The following TNIP1 variants were observed in gnomAD, a reference collection of about 807,000 sequenced individuals.
TNIP1 encodes the protein TNFAIP3-interacting protein 1.
TNIP1 carries 22 observed loss-of-function variants against 86.6 expected under a neutral mutation model. That is an observed-to-expected ratio of 0.25 (90% confidence interval 0.18 to 0.36). TNIP1 has a LOEUF of 0.36. Ranked by LOEUF, TNIP1 falls within the 10% of genes least tolerant of loss-of-function variation. The pLI, the probability that TNIP1 is intolerant of heterozygous loss-of-function variation, is 1.00. For synonymous variants in TNIP1, 294 were observed against 313.0 expected (o/e 0.94, Z 0.64); for missense variants, 709 against 820.6 (o/e 0.86, Z 1.66).
intron 1 of TNIP1, among the ~76,000 whole-genome samples, chr5:151,066,321 C>T (rs909829353): frequency 2.0e-5 from 3 of 152,298 alleles, no homozygotes; most frequent in East Asian, 1.9e-4. Context: ...GCTGAAACAC[C>T]GAGCCAGCCT....
At chr5:151,042,724 A>G in intron 10 of TNIP1, 53 bp from the exon 11 acceptor site, 2 of 1,609,060 alleles carry the variant, frequency 1.2e-6, no homozygotes, top group South Asian at 2.2e-5. Flanking sequence ...GAGCACTTGC[A>G]GGATGTGGGC....
At chr5:151,034,646 G>A (rs1056544472) in intron 15 of TNIP1, 3 of 353,314 alleles carry the variant, frequency 8.5e-6, no homozygotes, top group Admixed American at 4.5e-5. Context: ...GGCTGGGCAT[G>A]GGCACAAAAG....
At chr5:151,038,186 A>G (rs1336080336) in intron 12 of TNIP1, among the ~76,000 whole-genome samples, 1 of 152,184 alleles carries the variant, frequency 6.6e-6, no homozygotes, top group Non-Finnish European at 1.5e-5. Flanking sequence ...TTTACAAAAC[A>G]CCAAAACCAA....
upstream of TNIP1, among the ~76,000 whole-genome samples, chr5:151,082,821 T>TAAA (rs1764122699): frequency 6.6e-6 from 1 of 152,198 alleles, no homozygotes; most frequent in African/African-American, 2.4e-5. Flanking sequence ...GAAAACTCAT[T>TAAA]TATTTATAAA....
Position 151,035,028 on chromosome 5 carries a change from G to A in TNIP1, c.1561C>T (p.Leu521Phe). ...FKDEEKAREALRQQKRKAKAS... is the reference protein window; with the variant it reads ...FKDEEKAREAFRQQKRKAKAS... ...TTTGCTTTCCTCTTCTGCTGTCTGA[G>A]GGCTTCTCTTGCCTTCTCCTCATCT... The change falls in exon 15 of 18, where the codon CTC becomes TTC. Residue 521 changes from leucine to phenylalanine, a missense_variant. Coordinates refer to ENST00000521591, the MANE Select transcript of TNIP1 (RefSeq NM_006058.5). 1.2e-6 allele frequency: 2 copies of A among 1,614,148 alleles called. No individual in the cohort carries two copies. The highest frequency in any genetic ancestry group is 2.2e-5 in the South Asian group (2 of 91,046).
At chr5:151,074,497 G>T (rs924669735) in intron 1 of TNIP1, among the ~76,000 whole-genome samples, 3 of 152,146 alleles carry the variant, frequency 2.0e-5, no homozygotes, top group Non-Finnish European at 4.4e-5. Context: ...CACTTTCCTT[G>T]TTTCTCCCTA....
chr5:151,058,590 C>T (rs1431916855), intron 5 of TNIP1, among the ~76,000 whole-genome samples: 5 of 152,202 alleles, frequency 3.3e-5, no homozygotes, highest in Non-Finnish European at 2.9e-5. Context: ...CCACACACAC[C>T]AGGTCTGGTG....
At chr5:151,053,052 T>C (rs1760160271) in intron 6 of TNIP1, among the ~76,000 whole-genome samples, 1 of 150,356 alleles carries the variant, frequency 6.7e-6, no homozygotes, top group South Asian at 2.1e-4. Context: ...CCTCACAATG[T>C]GGCTGTGACA....
intron 6 of TNIP1, among the ~76,000 whole-genome samples, chr5:151,055,725 G>A (rs1159827517): frequency 6.6e-6 from 1 of 152,158 alleles, no homozygotes; most frequent in Non-Finnish European, 1.5e-5. Context: ...GCCATCAGCG[G>A]GGCACTTGAG....
chr5:151,046,205 G>A, intron 8 of TNIP1: 2 of 504,786 alleles, frequency 4.0e-6, no homozygotes, highest in South Asian at 4.3e-5. Flanking sequence ...CCTCCCTACG[G>A]TCATTCTCCC....
At chr5:151,072,651 C>T (rs1762944239) in intron 1 of TNIP1, among the ~76,000 whole-genome samples, 1 of 152,182 alleles carries the variant, frequency 6.6e-6, no homozygotes, top group Admixed American at 6.5e-5. Flanking sequence ...CTATACTGTT[C>T]CACATAGGGA....
rs114030240 is a variant in TNIP1 at position 151,035,247 on chromosome 5, G to T, written c.1522-180C>A. Among the ~76,000 whole-genome samples the T allele has an allele frequency of 8.1e-3, 1,239 of 152,318 alleles. 18 individuals carry two copies. The highest frequency in any genetic ancestry group is 0.028 in the African/African-American group (1,171 of 41,568). ...GAGCACAGCCCAGGCTGTTGCTGCA[G>T]GCCACCTGCTTGTCACAGTGGTCTG... On this transcript the variant is annotated intron_variant, in intron 14 of 17. Transcript: ENST00000521591.
At chr5:151,043,885 G>A (rs1758782373) in intron 9 of TNIP1, among the ~76,000 whole-genome samples, 1 of 151,920 alleles carries the variant, frequency 6.6e-6, no homozygotes, top group African/African-American at 2.4e-5. Flanking sequence ...CAATTCCTCA[G>A]GGAAGAAAAA....
chr5:151,047,759 G>A (rs57750262), intron 8 of TNIP1, among the ~76,000 whole-genome samples: 2,620 of 152,106 alleles, frequency 0.017, 75 homozygotes, highest in African/African-American at 0.06. Context: ...CCAGTAGTCC[G>A]GAGGGTGTGT....
At chr5:151,030,904 T>C (rs1037420349) in intron 17 of TNIP1, among the ~76,000 whole-genome samples, 157 bp from the exon 18 acceptor site, 2 of 152,224 alleles carry the variant, frequency 1.3e-5, no homozygotes, top group South Asian at 2.1e-4. Context: ...GCTGGTCATG[T>C]AATCTTCACC....
chr5:151,033,512 T>A (rs761108189), intron 16 of TNIP1, 96 bp downstream of exon 16: 10 of 826,716 alleles, frequency 1.2e-5, no homozygotes, highest in Non-Finnish European at 1.9e-5. Context: ...TTCAGAAGGA[T>A]GCAGTTTCTG....
At chr5:151,051,878 G>T (rs376087031) in intron 7 of TNIP1, among the ~76,000 whole-genome samples, 1 of 152,178 alleles carries the variant, frequency 6.6e-6, no homozygotes. Context: ...CCAGTTCACC[G>T]TTAACAGGGG....
In TNIP1 at chr5:151,065,017, G is replaced by A. The variant is rs200341529; in HGVS notation, c.79C>T (p.Arg27Cys). 1.9e-5 allele frequency: 30 copies of A among 1,614,162 alleles called. No homozygotes were observed. The highest frequency in any genetic ancestry group is 6.7e-5 in the East Asian group (3 of 44,878). ...PSGEASAAFE[R>C]LVKENSRLKE... is the part of the protein sequence containing the mutation. Reference sequence around the variant, plus strand: ...AGCCGGGAATTCTCCTTCACTAGGCGCTCAAAAGCTGCGGATGCCTCTCCT... The same window carrying A: ...AGCCGGGAATTCTCCTTCACTAGGCACTCAAAAGCTGCGGATGCCTCTCCT... The change falls in exon 2 of 18, where the codon CGC becomes TGC. Residue 27 changes from arginine (R) to cysteine (C), a missense_variant. Transcript: ENST00000521591.
intron 5 of TNIP1, among the ~76,000 whole-genome samples, chr5:151,058,621 G>A (rs1174138940): frequency 6.6e-6 from 1 of 152,142 alleles, no homozygotes; most frequent in Non-Finnish European, 1.5e-5. Flanking sequence ...TGTCCTCTCT[G>A]TGTCCTCTCT....
Sources: gnomAD v4.1 joint callset for allele counts (sites outside exome capture counted in the v4.1 genomes callset) on GRCh38, gnomAD v4.1.1 for gene constraint, MANE v1.5 for transcripts, NCBI Gene and HGNC (gene_info 2026-07-23, HGNC 2026-07-21) for gene names.